The following TUSC3 variants were observed in gnomAD, a reference collection of about 807,000 sequenced individuals.
TUSC3 encodes tumor suppressor candidate 3.
TUSC3 carries 45 observed loss-of-function variants against 44.8 expected under a neutral mutation model. The ratio of observed to expected loss-of-function variants is 1.00; its 90% CI spans 0.79 to 1.29. TUSC3 has a LOEUF of 1.29. TUSC3 is among the 50% of genes most tolerant of loss of function. The probability of loss-of-function intolerance (pLI) is 0.00; values close to 1 mark genes in which losing one functional copy is unlikely to be tolerated. For missense variants in TUSC3, 519 were observed against 437.9 expected (o/e 1.19, Z -1.65); for synonymous variants, 212 against 152.9 (o/e 1.39, Z -2.85).
At chr8:15,692,633 T>C (rs117584425) in intron 6 of TUSC3, among the ~76,000 whole-genome samples, 2 of 151,520 alleles carry the variant, frequency 1.3e-5, no homozygotes, top group East Asian at 1.9e-4. Context: ...CTTGTGTGCA[T>C]AGAGGTATTT....
chr8:15,671,954 T>A (rs1004602106), intron 5 of TUSC3, among the ~76,000 whole-genome samples: 4 of 152,030 alleles, frequency 2.6e-5, no homozygotes, highest in African/African-American at 9.7e-5. Context: ...ATACCTGTTA[T>A]ACAATAGTGC....
chr8:15,692,357 A>ACCCC (rs57593991), intron 6 of TUSC3, among the ~76,000 whole-genome samples: 4 of 88,130 alleles, frequency 4.5e-5, no homozygotes, highest in Non-Finnish European at 8.3e-5. Flanking sequence ...TTGGGAGGAG[A>ACCCC]CCCCCCCCCC....
chr8:15,490,200 G>A (rs950549737), intron 2 of TUSC3, among the ~76,000 whole-genome samples: 2 of 152,094 alleles, frequency 1.3e-5, no homozygotes, highest in Non-Finnish European at 2.9e-5. Flanking sequence ...TAAACATTAG[G>A]ACCAATCTGA....
intron 1 of TUSC3, among the ~76,000 whole-genome samples, chr8:15,458,006 G>T (rs1285469739): frequency 2.6e-5 from 4 of 151,718 alleles, no homozygotes; most frequent in Non-Finnish European, 4.4e-5. Flanking sequence ...AATGTACTTT[G>T]TATAAAGTTA....
rs140792161 is a variant in TUSC3, at chr8:15,708,507, T to G, written c.799-22159T>G. Among the ~76,000 whole-genome samples the G allele has an allele frequency of 2.9e-3, 435 of 152,074 alleles. 2 individuals are homozygous for G. Among genetic ancestry groups the G allele is most frequent in the African/African-American group, 0.01 (419 of 41,542 alleles). Reference sequence around the variant, plus strand: ...TCCTAAATGAAAGTGTGGTAGTGATTTAAAAGTGATGATTATTAAACTTCA... The same window carrying G: ...TCCTAAATGAAAGTGTGGTAGTGATGTAAAAGTGATGATTATTAAACTTCA... On this transcript the variant is annotated intron_variant, in intron 6 of 10. Coordinates refer to ENST00000503731, the MANE Select transcript of TUSC3 (RefSeq NM_006765.4).
At chr8:15,642,939 C>G (rs1208923154) in intron 2 of TUSC3, among the ~76,000 whole-genome samples, 2 of 152,140 alleles carry the variant, frequency 1.3e-5, no homozygotes. Flanking sequence ...ATATTAAATA[C>G]ATATTATAAT....
intron 1 of TUSC3, among the ~76,000 whole-genome samples, chr8:15,616,025 G>T (rs958257268): frequency 1.3e-5 from 2 of 152,068 alleles, no homozygotes; most frequent in Non-Finnish European, 2.9e-5. Flanking sequence ...GTGGAGTTGG[G>T]GCCTCACTGT....
At chr8:15,831,030 G>T in the TUSC3 span, among the ~76,000 whole-genome samples, 1 of 150,812 alleles carries the variant, frequency 6.6e-6, no homozygotes, top group Admixed American at 6.6e-5. Context: ...GAAATGCTTT[G>T]CTGTCACCAC....
chr8:15,454,538 G>C (rs1471705812), intron 1 of TUSC3, among the ~76,000 whole-genome samples: 1 of 152,168 alleles, frequency 6.6e-6, no homozygotes, highest in African/African-American at 2.4e-5. Context: ...GTTCCAACTA[G>C]TTTCCAGCTC....
chr8:15,421,716 T>G (rs1433735584), intron 1 of TUSC3, among the ~76,000 whole-genome samples: 1 of 152,090 alleles, frequency 6.6e-6, no homozygotes, highest in Non-Finnish European at 1.5e-5. Context: ...TATTCATGCA[T>G]GAATGAAATA....
At chr8:15,691,000 C>G (rs983733083) in intron 6 of TUSC3, among the ~76,000 whole-genome samples, 1 of 150,414 alleles carries the variant, frequency 6.6e-6, no homozygotes, top group Non-Finnish European at 1.5e-5. Flanking sequence ...TTTTTGGTTC[C>G]ATATGAATTT....
intron 6 of TUSC3, among the ~76,000 whole-genome samples, chr8:15,720,774 G>A (rs1810272581): frequency 6.6e-6 from 1 of 152,106 alleles, no homozygotes; most frequent in Admixed American, 6.6e-5. Flanking sequence ...ATTTTAGCAT[G>A]ATATAATGGC....
intron 1 of TUSC3, among the ~76,000 whole-genome samples, chr8:15,578,179 T>C (rs1244569716): frequency 1.5e-5 from 2 of 130,470 alleles, no homozygotes; most frequent in South Asian, 5.4e-4. Context: ...CCTGAGACTT[T>C]GCTGAAGTTG....
chr8:15,773,789 T>A, the TUSC3 span, among the ~76,000 whole-genome samples: 2 of 152,172 alleles, frequency 1.3e-5, no homozygotes, highest in South Asian at 2.1e-4. Context: ...AACATACCCA[T>A]AACCTCTCTA....
At chr8:15,599,886 G>C (rs1804213271) in intron 1 of TUSC3, among the ~76,000 whole-genome samples, 1 of 151,514 alleles carries the variant, frequency 6.6e-6, no homozygotes, top group Admixed American at 6.6e-5. Context: ...ATGTTGGTTG[G>C]CTATAATGGC....
the TUSC3 span, among the ~76,000 whole-genome samples, chr8:15,818,253 G>A: frequency 6.6e-6 from 1 of 152,112 alleles, no homozygotes; most frequent in African/African-American, 2.4e-5. Flanking sequence ...TTTTAGTGAT[G>A]GAGAGAGCGT....
Position 15,764,946 on chromosome 8 carries a change from T to G in TUSC3, c.*790T>G, listed in dbSNP as rs1812287209. 6.6e-6 allele frequency: 1 copy of G among 151,164 alleles called. No individual in the cohort carries two copies. The highest frequency in any genetic ancestry group is 6.6e-5 in the Admixed American group (1 of 15,228). The allele number at this position is 151,164 out of a possible 1,614,324, so 9.4% of individuals were successfully genotyped here. The stretch of plus-strand genomic sequence containing the variant: ...CACACTATCCATTTTCGAGCAAACC[T>G]AACCCACTATATCCATTTTGCTCAT... On this transcript the variant is annotated 3_prime_UTR_variant, in exon 11 of 11. Coordinates refer to ENST00000503731, the MANE Select transcript of TUSC3 (RefSeq NM_006765.4).
At chr8:15,677,822 T>C (rs1585219978) in intron 6 of TUSC3, among the ~76,000 whole-genome samples, 1 of 151,992 alleles carries the variant, frequency 6.6e-6, no homozygotes, top group Non-Finnish European at 1.5e-5. Flanking sequence ...CTAAGAAGGG[T>C]GCCATGGGTG....
At chr8:15,433,209 G>C (rs1287464332) in intron 1 of TUSC3, among the ~76,000 whole-genome samples, 1 of 151,990 alleles carries the variant, frequency 6.6e-6, no homozygotes, top group Non-Finnish European at 1.5e-5. Flanking sequence ...CTGGAGAAAA[G>C]TTCTTTTCCA....
Sources: allele counts gnomAD v4.1 joint callset (sites outside exome capture counted in the v4.1 genomes callset), GRCh38; gene constraint gnomAD v4.1.1; transcripts MANE v1.5; gene names NCBI Gene and HGNC (gene_info 2026-07-23, HGNC 2026-07-21).